CTNNA2: variants seen among roughly 807,000 people sequenced by gnomAD.
The protein encoded by CTNNA2 is catenin alpha-2.
Under a neutral mutation model 101.0 loss-of-function variants are expected in CTNNA2, and 42 were observed. The observed-to-expected ratio is 0.42, with a 90% CI of 0.32 to 0.54. The LOEUF (loss-of-function observed/expected upper bound fraction) is 0.54, where lower values mean the gene tolerates loss of function less well. CTNNA2 is among the 20% of genes least tolerant of loss of function. The pLI is 0.14. For missense variants in CTNNA2, 871 were observed against 1,223.1 expected (o/e 0.71, Z 4.29); for synonymous variants, 450 against 456.4 (o/e 0.99, Z 0.18).
chr2:80,224,990 C>T (rs1708792081), intron 7 of CTNNA2, among the ~76,000 whole-genome samples: 1 of 152,170 alleles, frequency 6.6e-6, no homozygotes, highest in Non-Finnish European at 1.5e-5. Context: ...CCTGCTGCAT[C>T]CAAATCCCCA....
chr2:79,366,872 G>A (rs1272876055), intron 3 of CTNNA2, among the ~76,000 whole-genome samples: 1 of 152,174 alleles, frequency 6.6e-6, no homozygotes, highest in Non-Finnish European at 1.5e-5. Context: ...AAAAAGTGTT[G>A]GGTGAGTGGA....
intron 7 of CTNNA2, among the ~76,000 whole-genome samples, chr2:80,004,098 T>A (rs1021869280): frequency 6.6e-6 from 1 of 151,896 alleles, no homozygotes; most frequent in East Asian, 1.9e-4. Flanking sequence ...GAGGCTAAAA[T>A]TTTTTTTTAA....
intron 3 of CTNNA2, among the ~76,000 whole-genome samples, chr2:79,316,584 A>G (rs1676503383): frequency 6.6e-6 from 1 of 151,984 alleles, no homozygotes; most frequent in Admixed American, 6.6e-5. Context: ...AATCTTCTTT[A>G]GTATTTTCAA....
chr2:80,333,440 T>A (rs934641856), intron 7 of CTNNA2, among the ~76,000 whole-genome samples: 1 of 152,164 alleles, frequency 6.6e-6, no homozygotes, highest in Non-Finnish European at 1.5e-5. Flanking sequence ...AAGAGCAAGA[T>A]AAATGATGGA....
intron 15 of CTNNA2, among the ~76,000 whole-genome samples, chr2:80,591,555 A>G (rs752069304): frequency 7.4e-6 from 1 of 135,144 alleles, no homozygotes; most frequent in African/African-American, 2.8e-5. Context: ...ATACATTGTT[A>G]TTATTGCCCT....
At chr2:80,166,019 CT>C (rs1362942387) in intron 7 of CTNNA2, among the ~76,000 whole-genome samples, 1 of 152,088 alleles carries the variant, frequency 6.6e-6, no homozygotes. Context: ...CAGGCTTTCC[CT>C]TTTATGATCC....
chr2:80,101,954 T>G (rs2148843629), intron 7 of CTNNA2, among the ~76,000 whole-genome samples: 1 of 152,276 alleles, frequency 6.6e-6, no homozygotes, highest in African/African-American at 2.4e-5. Context: ...TGTAGATTCT[T>G]ATAGGACCAT....
intron 7 of CTNNA2, among the ~76,000 whole-genome samples, chr2:80,116,098 G>C (rs1214847609): frequency 3.3e-5 from 5 of 151,944 alleles, no homozygotes; most frequent in African/African-American, 1.2e-4. Context: ...ATTGTGGGCT[G>C]TGGTTGTGGG....
chr2:79,893,685 A>G (rs1684461348), intron 6 of CTNNA2, among the ~76,000 whole-genome samples: 1 of 152,226 alleles, frequency 6.6e-6, no homozygotes, highest in South Asian at 2.1e-4. Context: ...AAAGCTTCCA[A>G]CAAACTGATT....
At chr2:80,247,987 A>T (rs1041362310) in intron 7 of CTNNA2, among the ~76,000 whole-genome samples, 1 of 151,938 alleles carries the variant, frequency 6.6e-6, no homozygotes, top group Non-Finnish European at 1.5e-5. Context: ...AGCCTTTAAA[A>T]TTGGTACCTC....
At chr2:79,289,123 C>G (rs1045827712) in intron 2 of CTNNA2, among the ~76,000 whole-genome samples, 1 of 152,124 alleles carries the variant, frequency 6.6e-6, no homozygotes, top group Admixed American at 6.5e-5. Flanking sequence ...CTATTTTCTT[C>G]CAAATTGGGC....
At chr2:80,614,730 G>T (rs546305586) in intron 17 of CTNNA2, among the ~76,000 whole-genome samples, 2 of 151,440 alleles carry the variant, frequency 1.3e-5, no homozygotes, top group East Asian at 2.0e-4. Flanking sequence ...GCTTTGAGAA[G>T]TGTCTTAAAA....
At chr2:80,051,696 T>TC (rs907421020) in intron 7 of CTNNA2, among the ~76,000 whole-genome samples, 3 of 151,912 alleles carry the variant, frequency 2.0e-5, no homozygotes, top group Non-Finnish European at 2.9e-5. Flanking sequence ...GAACTCTTTT[T>TC]CCCCCCCACA....
chr2:79,469,170 G>A (rs1464341957), intron 4 of CTNNA2, among the ~76,000 whole-genome samples: 2 of 152,026 alleles, frequency 1.3e-5, no homozygotes, highest in Non-Finnish European at 2.9e-5. Context: ...GAATCAAATA[G>A]ATGCACTAAA....
At chr2:79,751,595 A>G (rs1176615314) in intron 3 of CTNNA2, among the ~76,000 whole-genome samples, 1 of 46,522 alleles carries the variant, frequency 2.1e-5, no homozygotes, top group Non-Finnish European at 3.4e-5. Flanking sequence ...CTCCATCTCA[A>G]AAAAAAAAAA....
intron 7 of CTNNA2, among the ~76,000 whole-genome samples, chr2:80,054,392 CAG>C (rs1697079673): frequency 6.6e-6 from 1 of 152,174 alleles, no homozygotes; most frequent in Non-Finnish European, 1.5e-5. Context: ...GTGAATTGTA[CAG>C]AGAGTGAAAA....
intron 15 of CTNNA2, among the ~76,000 whole-genome samples, chr2:80,603,028 C>G (rs1697688091): frequency 6.6e-6 from 1 of 152,050 alleles, no homozygotes; most frequent in Non-Finnish European, 1.5e-5. Context: ...ATTGCCCTCT[C>G]TGTATAACCC....
At chr2:79,716,655 C>T (rs1686126849) in intron 2 of CTNNA2, among the ~76,000 whole-genome samples, 1 of 152,130 alleles carries the variant, frequency 6.6e-6, no homozygotes, top group South Asian at 2.1e-4. Flanking sequence ...TCACAGTGAA[C>T]TCTGGTGGTC....
chr2:80,011,100 A>C (rs955634242), intron 7 of CTNNA2, among the ~76,000 whole-genome samples: 1 of 152,188 alleles, frequency 6.6e-6, no homozygotes, highest in African/African-American at 2.4e-5. Context: ...CACACCTCTT[A>C]CAGACTCATT....
Sources: allele counts gnomAD v4.1 joint callset (sites outside exome capture counted in the v4.1 genomes callset), GRCh38; gene constraint gnomAD v4.1.1; transcripts MANE v1.5; gene names NCBI Gene and HGNC (gene_info 2026-07-23, HGNC 2026-07-21).